NEDD4: variants seen among roughly 807,000 people sequenced by gnomAD.
The protein encoded by NEDD4 is NEDD4 E3 ubiquitin protein ligase, also known as E3 ubiquitin-protein ligase NEDD4.
A neutral mutation model predicts 144.9 loss-of-function variants in NEDD4; 99 were observed. The ratio of observed to expected loss-of-function variants is 0.68; its 90% CI spans 0.58 to 0.81. NEDD4 has a LOEUF of 0.81. NEDD4 is among the 30% of genes least tolerant of loss of function. The pLI, the probability that NEDD4 is intolerant of heterozygous loss-of-function variation, is 0.00. For synonymous variants in NEDD4, 318 were observed against 350.6 expected (o/e 0.91, Z 1.04); for missense variants, 985 against 1,065.9 (o/e 0.92, Z 1.06).
At chr15:55,941,394 T>G (rs532560722) in intron 4 of NEDD4, among the ~76,000 whole-genome samples, 1 of 152,310 alleles carries the variant, frequency 6.6e-6, no homozygotes, top group Non-Finnish European at 1.5e-5. Context: ...TATGTTATGC[T>G]TTAACAATCA....
At chr15:55,843,243 A>G (rs555423547) in intron 18 of NEDD4, among the ~76,000 whole-genome samples, 2 of 152,290 alleles carry the variant, frequency 1.3e-5, no homozygotes, top group African/African-American at 4.8e-5. Context: ...CAGCATGAAA[A>G]CGGACTAAAA....
chr15:55,841,125 G>A (rs2033483100), intron 19 of NEDD4, among the ~76,000 whole-genome samples: 1 of 152,138 alleles, frequency 6.6e-6, no homozygotes, highest in South Asian at 2.1e-4. Flanking sequence ...GTAGAGACAG[G>A]GTTTCACTAT....
chr15:55,914,932 A>G (rs1260723945), intron 5 of NEDD4, among the ~76,000 whole-genome samples: 4 of 152,126 alleles, frequency 2.6e-5, no homozygotes, highest in Non-Finnish European at 5.9e-5. Context: ...AAAGAATACT[A>G]TATCATTTAA....
intron 11 of NEDD4, among the ~76,000 whole-genome samples, chr15:55,857,351 CAG>C (rs1169113990): frequency 6.6e-6 from 1 of 152,014 alleles, no homozygotes; most frequent in Non-Finnish European, 1.5e-5. Context: ...TTTTTTGAGA[CAG>C]AGTCTTGCTC....
intron 1 of NEDD4, among the ~76,000 whole-genome samples, chr15:55,986,778 G>A (rs2037903184): frequency 6.7e-6 from 1 of 149,038 alleles, no homozygotes; most frequent in African/African-American, 2.5e-5. Flanking sequence ...TGTATTTTTA[G>A]TGGAGATGGG....
At chr15:55,961,231 A>G (rs2037421136) in intron 2 of NEDD4, among the ~76,000 whole-genome samples, 2 of 152,176 alleles carry the variant, frequency 1.3e-5, no homozygotes, top group Admixed American at 6.5e-5. Context: ...GTAAACATCT[A>G]TGTCCAAATT....
chr15:55,957,967 C>A (rs572460800), intron 2 of NEDD4, among the ~76,000 whole-genome samples: 2 of 151,962 alleles, frequency 1.3e-5, no homozygotes, highest in South Asian at 2.1e-4. Context: ...CAGGGCCTGT[C>A]GTGGAGTGGG....
chr15:55,853,816 T>C (rs943952216), intron 12 of NEDD4, among the ~76,000 whole-genome samples: 1 of 152,006 alleles, frequency 6.6e-6, no homozygotes, highest in Non-Finnish European at 1.5e-5. Context: ...TGGTGAAAAC[T>C]TGTCTCTACT....
At chr15:55,964,822 C>T (rs1488686221) in intron 2 of NEDD4, among the ~76,000 whole-genome samples, 1 of 151,596 alleles carries the variant, frequency 6.6e-6, no homozygotes, top group Non-Finnish European at 1.5e-5. Flanking sequence ...AGATGGGTCT[C>T]GGTTGGAGGT....
intron 5 of NEDD4, among the ~76,000 whole-genome samples, chr15:55,885,142 T>G (rs776268092): frequency 1.3e-5 from 2 of 152,184 alleles, no homozygotes; most frequent in Non-Finnish European, 2.9e-5. Context: ...GATAGTGGCA[T>G]GACATTTTAG....
chr15:55,965,345 G>C (rs1403170856), intron 2 of NEDD4, among the ~76,000 whole-genome samples: 1 of 151,882 alleles, frequency 6.6e-6, no homozygotes, highest in Non-Finnish European at 1.5e-5. Context: ...AGGAGTACAG[G>C]CATGCGCCAC....
At chr15:55,912,243 A>G (rs1445992909) in intron 5 of NEDD4, among the ~76,000 whole-genome samples, 3 of 152,220 alleles carry the variant, frequency 2.0e-5, no homozygotes, top group African/African-American at 7.2e-5. Flanking sequence ...CTGGAAAATA[A>G]TGGAACATTA....
intron 5 of NEDD4, 28 bp from the exon 6 acceptor site, chr15:55,874,036 T>C (rs1217013489): frequency 7.8e-7 from 1 of 1,279,128 alleles, no homozygotes; most frequent in Non-Finnish European, 1.1e-6. Context: ...AAAAATATAA[T>C]TAGTAATACG....
chr15:55,916,407 C>T (rs568199003), intron 5 of NEDD4: 1 of 1,614,024 alleles, frequency 6.2e-7, no homozygotes, highest in East Asian at 2.2e-5. Context: ...GGCTGGACTG[C>T]TTACAAGGTG....
intron 4 of NEDD4, among the ~76,000 whole-genome samples, chr15:55,927,838 G>T (rs2142242152): frequency 6.6e-6 from 1 of 152,284 alleles, no homozygotes; most frequent in East Asian, 1.9e-4. Context: ...GATGGCCCCA[G>T]TTGGAGTAGG....
intron 1 of NEDD4, among the ~76,000 whole-genome samples, chr15:55,974,886 C>CCTTT (rs1167982491): frequency 2.4e-5 from 2 of 82,652 alleles, no homozygotes; most frequent in South Asian, 4.1e-4. Context: ...CATTTCTTTT[C>CCTTT]CTTTCTTTTT....
intron 5 of NEDD4, chr15:55,924,219 G>A (rs1472831322): frequency 6.3e-6 from 1 of 157,850 alleles, no homozygotes; most frequent in Non-Finnish European, 1.4e-5. Context: ...GTGGGGATGA[G>A]AGAGTGGATA....
In NEDD4 at chr15:55,846,946, TA is replaced by T. The variant is rs756842900; in HGVS notation, c.1608+22del. The T allele has an allele frequency of 5.7e-6, 8 of 1,408,748 alleles. No homozygotes were observed. In the East Asian group the frequency reaches 1.6e-4, roughly 28 times the overall value. The allele number at this position is 1,408,748 out of a possible 1,614,324, so 87.3% of individuals were successfully genotyped here. ...CATCTATATATTGATGACTCTTAAG[TA>T]TTTATTATAAACATGACTAACCTGC... On this transcript the variant is annotated intron_variant, in intron 18 of 28. Transcript: ENST00000435532.
intron 4 of NEDD4, among the ~76,000 whole-genome samples, chr15:55,927,456 G>A (rs991349007): frequency 6.6e-6 from 1 of 152,016 alleles, no homozygotes; most frequent in Non-Finnish European, 1.5e-5. Context: ...TACCATGCTC[G>A]GCTAATTTTT....
Sources: allele counts gnomAD v4.1 joint callset (sites outside exome capture counted in the v4.1 genomes callset), GRCh38; gene constraint gnomAD v4.1.1; transcripts MANE v1.5; gene names NCBI Gene and HGNC (gene_info 2026-07-23, HGNC 2026-07-21).